Variants in RHOA observed in about 807,000 individuals in gnomAD.
The protein encoded by RHOA is transforming protein RhoA.
A neutral mutation model predicts 17.5 loss-of-function variants in RHOA; 3 were observed. The ratio of observed to expected loss-of-function variants is 0.17; its 90% CI spans 0.08 to 0.44. RHOA has a LOEUF of 0.44. RHOA is among the 20% of genes least tolerant of loss of function. The probability of loss-of-function intolerance (pLI) is 0.99; values close to 1 mark genes in which losing one functional copy is unlikely to be tolerated. For missense variants in RHOA, 56 were observed against 242.3 expected, an observed-to-expected ratio of 0.23 and a Z score of 5.10; for synonymous variants, 98 against 88.4, an observed-to-expected ratio of 1.11 and a Z score of -0.61.
chr3:49,377,274 C>T (rs984126344), intron 1 of RHOA, among the ~76,000 whole-genome samples: 1 of 150,710 alleles, frequency 6.6e-6, no homozygotes, highest in Non-Finnish European at 1.5e-5. Context: ...AAAGGAAGGA[C>T]GGACGGAAGC....
At chr3:49,409,453 A>T (rs1371569105) in intron 1 of RHOA, among the ~76,000 whole-genome samples, 9 of 152,166 alleles carry the variant, frequency 5.9e-5, no homozygotes, top group Admixed American at 3.3e-4. Context: ...TCCAGTGACT[A>T]TGTACTATTT....
chr3:49,383,010 C>T (rs551948771), intron 1 of RHOA, among the ~76,000 whole-genome samples: 2 of 151,204 alleles, frequency 1.3e-5, no homozygotes, highest in South Asian at 2.1e-4. Context: ...GCCGAGTTAG[C>T]GCCATTGCAC....
At chr3:49,393,730 G>GAC (rs1340947493) in intron 1 of RHOA, among the ~76,000 whole-genome samples, 14 of 118,236 alleles carry the variant, frequency 1.2e-4, no homozygotes, top group Non-Finnish European at 1.6e-4. Flanking sequence ...GTGTGTGTGT[G>GAC]ACAGAATCTC....
At chr3:49,408,719 A>C (rs2048880419) in intron 1 of RHOA, among the ~76,000 whole-genome samples, 1 of 152,220 alleles carries the variant, frequency 6.6e-6, no homozygotes, top group South Asian at 2.1e-4. Flanking sequence ...ATGTGTAGTT[A>C]CAAGCAAACA....
intron 3 of RHOA, among the ~76,000 whole-genome samples, chr3:49,367,362 A>AAAAAAAAAAAAAAAAAAAAT (rs2048075433): frequency 7.1e-6 from 1 of 140,704 alleles, no homozygotes. Flanking sequence ...AAAAAAAAAA[A>AAAAAAAAAAAAAAAAAAAAT]AAAAGAATAC....
intron 1 of RHOA, among the ~76,000 whole-genome samples, chr3:49,402,220 A>C (rs1361014936): frequency 6.6e-6 from 1 of 152,178 alleles, no homozygotes; most frequent in Non-Finnish European, 1.5e-5. Context: ...TCAGGATTTG[A>C]CTTTGTTTGG....
At chr3:49,398,254 G>A (rs2048652490) in intron 1 of RHOA, among the ~76,000 whole-genome samples, 1 of 151,976 alleles carries the variant, frequency 6.6e-6, no homozygotes, top group South Asian at 2.1e-4. Flanking sequence ...AGGAGGCTGA[G>A]ACACGAGAAT....
chr3:49,397,554 CTGCT>C (rs1170636687), intron 1 of RHOA, among the ~76,000 whole-genome samples: 1 of 152,058 alleles, frequency 6.6e-6, no homozygotes, highest in Non-Finnish European at 1.5e-5. Flanking sequence ...CAGAGACTGC[CTGCT>C]TATCTGCCTC....
At position 49,375,692 on chromosome 3, in the gene RHOA, T is replaced by C. The variant is rs1040340538; in HGVS notation, c.-2-101A>G. Reference sequence around the variant, plus strand: ...GTAACCATGGGGCATAAACCTCTATTAGCATACTCAAATTCAAACTTCTAG... The same window carrying C: ...GTAACCATGGGGCATAAACCTCTATCAGCATACTCAAATTCAAACTTCTAG... On this transcript the variant is annotated intron_variant, in intron 1 of 4. Transcript: ENST00000418115. 4 of 1,245,408 alleles carry C rather than the reference T, an allele frequency of 3.2e-6. No homozygotes were observed. In the African/African-American group the frequency reaches 6.0e-5, roughly 19 times the overall value. The allele number at this position is 1,245,408 out of a possible 1,614,324, so 77.1% of individuals were successfully genotyped here. A position where few individuals can be genotyped will look rare whatever the true frequency, so the allele number is the denominator to read the frequency against.
intron 1 of RHOA, among the ~76,000 whole-genome samples, chr3:49,401,418 C>A (rs1249480633): frequency 6.6e-6 from 1 of 151,978 alleles, no homozygotes; most frequent in East Asian, 1.9e-4. Flanking sequence ...TTTGGGAGGC[C>A]ATGGCGGATG....
chr3:49,387,318 C>T (rs1200745162), intron 1 of RHOA, among the ~76,000 whole-genome samples: 3 of 150,908 alleles, frequency 2.0e-5, no homozygotes, highest in Non-Finnish European at 4.4e-5. Flanking sequence ...GTGGCACGCA[C>T]CTGTAGTCCC....
chr3:49,390,033 T>C (rs1359610171), intron 1 of RHOA, among the ~76,000 whole-genome samples: 1 of 151,898 alleles, frequency 6.6e-6, no homozygotes, highest in Non-Finnish European at 1.5e-5. Flanking sequence ...AGCAAATCAG[T>C]TTCACAAAAG....
At chr3:49,410,313 C>T (rs2048911864) in intron 1 of RHOA, among the ~76,000 whole-genome samples, 1 of 152,150 alleles carries the variant, frequency 6.6e-6, no homozygotes, top group African/African-American at 2.4e-5. Context: ...TGCTCATCTG[C>T]AAATGGGGTT....
At chr3:49,390,866 T>C (rs1379397005) in intron 1 of RHOA, among the ~76,000 whole-genome samples, 1 of 151,964 alleles carries the variant, frequency 6.6e-6, no homozygotes, top group East Asian at 1.9e-4. Flanking sequence ...GCAGATTACT[T>C]GAGGTCAGGA....
intron 1 of RHOA, among the ~76,000 whole-genome samples, chr3:49,407,232 G>GTTTTTTTTTTTTTTTTTTTTTTTTTTT (rs61556875): frequency 1.4e-5 from 1 of 70,020 alleles, no homozygotes; most frequent in Non-Finnish European, 2.5e-5. Flanking sequence ...AATCCTTTCC[G>GTTTTTTTTTTTTTTTTTTTTTTTTTTT]TTTTTTTTTT....
chr3:49,396,794 G>A (rs962260810), intron 1 of RHOA, among the ~76,000 whole-genome samples: 3 of 151,852 alleles, frequency 2.0e-5, no homozygotes, highest in Non-Finnish European at 4.4e-5. Flanking sequence ...ACACCAGCCC[G>A]GGCAACATAG....
chr3:49,391,681 T>C (rs559664724), intron 1 of RHOA, among the ~76,000 whole-genome samples: 11 of 152,100 alleles, frequency 7.2e-5, no homozygotes, highest in East Asian at 1.9e-4. Flanking sequence ...CCGGGTAATT[T>C]TGTATTTTTA....
chr3:49,379,258 T>C (rs953558476), intron 1 of RHOA, among the ~76,000 whole-genome samples: 25 of 152,114 alleles, frequency 1.6e-4, no homozygotes, highest in African/African-American at 5.8e-4. Context: ...AAATGTTATA[T>C]AAGTGAAAGA....
chr3:49,385,507 C>T (rs1293824235), intron 1 of RHOA, among the ~76,000 whole-genome samples: 2 of 152,054 alleles, frequency 1.3e-5, no homozygotes, highest in East Asian at 3.9e-4. Flanking sequence ...TGAGCCACCG[C>T]ACCCAGCCCC....
Sources: gnomAD v4.1 joint callset for allele counts (sites outside exome capture counted in the v4.1 genomes callset) on GRCh38, gnomAD v4.1.1 for gene constraint, MANE v1.5 for transcripts, NCBI Gene and HGNC (gene_info 2026-07-23, HGNC 2026-07-21) for gene names.